The following NR2C1 variants were observed in gnomAD, a reference collection of about 807,000 sequenced individuals.
NR2C1 encodes the protein TR2 nuclear hormone receptor.
A neutral mutation model predicts 74.8 loss-of-function variants in NR2C1; 33 were observed. The observed-to-expected ratio is 0.44, with a 90% CI of 0.33 to 0.59. The LOEUF (loss-of-function observed/expected upper bound fraction) is 0.59. NR2C1 is among the 20% of genes least tolerant of loss of function. The pLI, the probability that NR2C1 is intolerant of heterozygous loss-of-function variation, is 0.02. For missense variants in NR2C1, 568 were observed against 715.6 expected, an observed-to-expected ratio of 0.79 and a Z score of 2.35; for synonymous variants, 225 against 240.6, an observed-to-expected ratio of 0.94 and a Z score of 0.60.
intron 10 of NR2C1, among the ~76,000 whole-genome samples, chr12:95,034,094 G>A (rs1020711366): frequency 7.9e-5 from 12 of 152,032 alleles, no homozygotes; most frequent in African/African-American, 1.7e-4. Flanking sequence ...GAAATCATTC[G>A]TTAAGAATCA....
intron 7 of NR2C1, among the ~76,000 whole-genome samples, chr12:95,054,021 C>T (rs916726753): frequency 3.3e-5 from 5 of 151,956 alleles, no homozygotes; most frequent in Middle Eastern, 6.3e-3. Context: ...CACATATGTT[C>T]CCATGATGTT....
Position 95,057,450 on chromosome 12 carries a change from T to C in NR2C1, c.783+103A>G, listed in dbSNP as rs1874085729. 3.8e-6 allele frequency: 3 copies of C among 780,706 alleles called. No individual in the cohort carries two copies. In the African/African-American group the frequency reaches 5.4e-5, roughly 14 times the overall value. The allele number at this position is 780,706 out of a possible 1,614,324, so 48.4% of individuals were successfully genotyped here. A position where few individuals can be genotyped will look rare whatever the true frequency, so the allele number is the denominator to read the frequency against. On this transcript the variant is annotated intron_variant, in intron 7 of 13. Transcript: ENST00000333003. Reference sequence around the variant, plus strand: ...AAAAAAAAAAAGGCAACTTGTAATATGGAATATTTAAGAACAAAGCAATTT... The same window carrying C: ...AAAAAAAAAAAGGCAACTTGTAATACGGAATATTTAAGAACAAAGCAATTT...
intron 7 of NR2C1, among the ~76,000 whole-genome samples, chr12:95,056,983 A>C (rs1041516103): frequency 2.6e-5 from 4 of 151,064 alleles, no homozygotes; most frequent in Non-Finnish European, 4.4e-5. Flanking sequence ...AAAGACTTTT[A>C]CACCTATAAT....
At chr12:95,035,200 T>A (rs1327624265) in intron 10 of NR2C1, among the ~76,000 whole-genome samples, 1 of 152,202 alleles carries the variant, frequency 6.6e-6, no homozygotes, top group Non-Finnish European at 1.5e-5. Context: ...TGTGTATGTA[T>A]TTAATTGTCT....
chr12:95,044,173 T>A (rs1871988585), intron 9 of NR2C1, among the ~76,000 whole-genome samples: 1 of 152,232 alleles, frequency 6.6e-6, no homozygotes, highest in Non-Finnish European at 1.5e-5. Context: ...TGACAAGAAC[T>A]AAACCTGACC....
chr12:95,072,455 CAAAAAAAAAA>C (rs570185714), intron 1 of NR2C1, among the ~76,000 whole-genome samples: 4 of 60,280 alleles, frequency 6.6e-5, no homozygotes, highest in South Asian at 6.3e-4. Context: ...CTCTCCCTCT[CAAAAAAAAAA>C]AAAAAAAAAG....
intron 1 of NR2C1, among the ~76,000 whole-genome samples, chr12:95,071,017 T>G (rs775103468): frequency 6.6e-5 from 10 of 152,138 alleles, no homozygotes; most frequent in Non-Finnish European, 1.3e-4. Flanking sequence ...CTGGCCAACA[T>G]GGTGAAACCC....
intron 9 of NR2C1, among the ~76,000 whole-genome samples, chr12:95,045,147 C>T (rs1872151367): frequency 6.6e-6 from 1 of 152,184 alleles, no homozygotes; most frequent in Admixed American, 6.5e-5. Flanking sequence ...CATATTCATT[C>T]AGTAACTATT....
rs79760875 is a variant in NR2C1, at chr12:95,059,986, TAAAAAAAA to T, written c.286-10_286-3del. On this transcript the variant is annotated splice_region_variant and splice_polypyrimidine_tract_variant and intron_variant, in intron 3 of 13. Coordinates refer to ENST00000333003, the MANE Select transcript of NR2C1 (RefSeq NM_003297.4). ...GTCTGGAGAATTATCTGTTAGGAGC[TAAAAAAAA>T]AAAAAAAAAAAAAGAAAACAAAAAC... The T allele has an allele frequency of 7.4e-5, 80 of 1,074,302 alleles. No homozygotes were observed. The highest frequency in any genetic ancestry group is 1.7e-4 in the Admixed American group (4 of 23,056). The allele number at this position is 1,074,302 out of a possible 1,614,324, so 66.5% of individuals were successfully genotyped here.
Position 95,051,828 on chromosome 12 carries a change from C to G in NR2C1, c.899G>C (p.Ser300Thr). The G allele has an allele frequency of 6.2e-7, 1 of 1,610,754 alleles. No individual in the cohort carries two copies. ...QNSNEMSMIE[S>T]LSNDDTSLCE... ...CAAAGAGGTATCATCATTGCTTAAG[C>G]TTTCAATCATAGACATTTCATTACT... Residue 300 changes from serine to threonine, a missense_variant, in exon 8 of 14, where the codon AGC (serine) becomes ACC (threonine). Coordinates refer to ENST00000333003, the MANE Select transcript of NR2C1 (RefSeq NM_003297.4).
At chr12:95,043,339 C>CA in intron 9 of NR2C1, among the ~76,000 whole-genome samples, 1 of 152,006 alleles carries the variant, frequency 6.6e-6, no homozygotes, top group African/African-American at 2.4e-5. Flanking sequence ...AGGGAATTAC[C>CA]AAAAATTACT....
In NR2C1 at chr12:95,057,831, A is replaced by G; in HGVS notation, c.592T>C (p.Ser198Pro). ...KPIEVSREKS[S>P]NCAASTEKIY... ...TTTTCTGTTGAAGCGGCACAGTTGG[A>G]AGATTTTTCTCGTGATACTTCAATG... Residue 198 changes from serine (S) to proline (P), a missense_variant, in exon 6 of 14, where the codon TCC becomes CCC. By Grantham distance (74) the Ser-to-Pro change is moderately conservative. Coordinates refer to ENST00000333003, the MANE Select transcript of NR2C1 (RefSeq NM_003297.4). 1 of 1,614,080 alleles carries G rather than the reference A, an allele frequency of 6.2e-7. No individual in the cohort carries two copies. Among genetic ancestry groups the G allele is most frequent in the Non-Finnish European group, 8.5e-7 (1 of 1,179,940 alleles).
intron 11 of NR2C1, chr12:95,030,859 C>T: frequency 1.2e-6 from 2 of 1,613,138 alleles, no homozygotes; most frequent in Non-Finnish European, 1.7e-6. Context: ...ATGAGGGCTG[C>T]AATTACCTTG....
intron 11 of NR2C1, 61 bp downstream of exon 11, chr12:95,031,288 C>T: frequency 1.4e-6 from 2 of 1,385,082 alleles, no homozygotes; most frequent in Non-Finnish European, 1.9e-6. Context: ...TTAGTCATAA[C>T]ATTTAATGAA....
At chr12:95,039,292 G>A (rs780961508) in intron 10 of NR2C1, among the ~76,000 whole-genome samples, 5 of 152,000 alleles carry the variant, frequency 3.3e-5, no homozygotes, top group Non-Finnish European at 7.4e-5. Context: ...TTACAATCAT[G>A]TTCACATATT....
intron 8 of NR2C1, among the ~76,000 whole-genome samples, chr12:95,049,903 G>A (rs530379598): frequency 6.6e-6 from 1 of 152,058 alleles, no homozygotes; most frequent in Non-Finnish European, 1.5e-5. Context: ...TCAAGCAAGC[G>A]ATCCTCCCAC....
At chr12:95,042,219 CT>C (rs1212588554) in intron 9 of NR2C1, among the ~76,000 whole-genome samples, 15,970 of 125,790 alleles carry the variant, frequency 0.13, 802 homozygotes, top group Non-Finnish European at 0.17. Flanking sequence ...TCAAAGGTAT[CT>C]TTTTTTTTTT....
chr12:95,040,341 T>C, intron 10 of NR2C1, 135 bp downstream of exon 10: 1 of 744,630 alleles, frequency 1.3e-6, no homozygotes, highest in African/African-American at 1.8e-5. Context: ...ATTTGTCATT[T>C]GAATGACACA....
intron 1 of NR2C1, among the ~76,000 whole-genome samples, 189 bp downstream of exon 1, chr12:95,073,191 C>G (rs1877002686): frequency 6.6e-6 from 1 of 152,208 alleles, no homozygotes; most frequent in Non-Finnish European, 1.5e-5. Context: ...CATTTGGCGC[C>G]GCAGCTCCGC....
Sources: allele counts gnomAD v4.1 joint callset (sites outside exome capture counted in the v4.1 genomes callset), GRCh38; gene constraint gnomAD v4.1.1; transcripts MANE v1.5; gene names NCBI Gene and HGNC (gene_info 2026-07-23, HGNC 2026-07-21).